KIF5C: variants seen among roughly 807,000 people sequenced by gnomAD.
KIF5C encodes the protein kinesin family member 5C.
In KIF5C, 18 loss-of-function variants were observed where a neutral mutation model predicts 125.2. The observed-to-expected ratio is 0.14, with a 90% CI of 0.10 to 0.21. The LOEUF (loss-of-function observed/expected upper bound fraction) is 0.21. Among genes scored for constraint, KIF5C ranks in the 10% least tolerant of loss-of-function variants. The probability of loss-of-function intolerance (pLI) is 1.00; values close to 1 mark genes in which losing one functional copy is unlikely to be tolerated. For missense variants in KIF5C, 780 were observed against 1,183.8 expected, an observed-to-expected ratio of 0.66 and a Z score of 5.01; for synonymous variants, 405 against 434.0, an observed-to-expected ratio of 0.93 and a Z score of 0.83.
intron 12 of KIF5C, among the ~76,000 whole-genome samples, chr2:148,976,985 G>A (rs1035736086): frequency 4.7e-4 from 72 of 152,196 alleles, no homozygotes; most frequent in African/African-American, 1.6e-3. Flanking sequence ...GCATCAGAGT[G>A]AGCGTGCTTA....
rs971663033 is a variant in KIF5C at position 148,875,248 on chromosome 2, A to G, written c.-370A>G. 5.3e-5 allele frequency: 10 copies of G among 187,464 alleles called. No homozygotes were observed. The highest frequency in any genetic ancestry group is 3.3e-5 in the Non-Finnish European group (3 of 91,628). The allele number at this position is 187,464 out of a possible 1,614,324, so 11.6% of individuals were successfully genotyped here. On this transcript the variant is annotated 5_prime_UTR_variant, in exon 1 of 26. Transcript: ENST00000435030. ...CGGCAGAGCGCGCTGGTGCTGATGC[A>G]GGATGGCTGAGCGCGCAGGAGCCCG... is the stretch of plus-strand genomic sequence containing the variant.
At chr2:148,877,117 GCAGCGAAGGGCCCTGGGGAC>G (rs1681216823) in intron 1 of KIF5C, 1 of 152,268 alleles carries the variant, frequency 6.6e-6, no homozygotes, top group Admixed American at 6.5e-5. Context: ...TGCCGCAGTC[GCAGCGAAGGGCCCTGGGGAC>G]CAGCAGGTGC....
intron 10 of KIF5C, among the ~76,000 whole-genome samples, chr2:148,960,431 T>C (rs72866044): frequency 6.6e-6 from 1 of 152,202 alleles, no homozygotes; most frequent in Admixed American, 6.5e-5. Flanking sequence ...CTGAGAAGCA[T>C]CCACAGTACT....
chr2:148,965,273 T>C (rs1263895467), intron 11 of KIF5C, among the ~76,000 whole-genome samples: 1 of 151,962 alleles, frequency 6.6e-6, no homozygotes, highest in African/African-American at 2.4e-5. Flanking sequence ...TTGGTAGTAA[T>C]TGAAGGCATA....
rs1009881049 is a variant in KIF5C, at chr2:148,997,521, C to T, written c.2100+181C>T. On this transcript the variant is annotated intron_variant, in intron 18 of 25. Transcript: ENST00000435030. ...TAGCCTGGCTTAGAAATGAACAAGT[C>T]CAGAAACCCCAAGATGTCTGTAGAG... 10 of 1,097,724 alleles carry T rather than the reference C, an allele frequency of 9.1e-6. No individual in the cohort carries two copies. In the Middle Eastern group the frequency reaches 1.8e-3, roughly 200 times the overall value. 68.0% of individuals were successfully genotyped at this position (1,097,724 alleles called of 1,614,324 possible). A position where few individuals can be genotyped will look rare whatever the true frequency, so the allele number is the denominator to read the frequency against.
chr2:148,942,830 G>T (rs1287992206), intron 7 of KIF5C, 70 bp downstream of exon 7: 4 of 1,559,864 alleles, frequency 2.6e-6, no homozygotes, highest in East Asian at 2.4e-5. Context: ...ACCGAGGGGG[G>T]TGGGGAATTA....
chr2:148,959,956 TTA>T (rs1300536802), intron 10 of KIF5C, among the ~76,000 whole-genome samples: 1 of 152,234 alleles, frequency 6.6e-6, no homozygotes, highest in Non-Finnish European at 1.5e-5. Flanking sequence ...CCCCTTCAGC[TTA>T]AGGGTAGTAA....
Position 148,991,073 on chromosome 2 carries a change from A to G in KIF5C, c.1780A>G (p.Met594Val). ...FTMARLYISKMKSEVKSLVNR... is the reference protein window; with the variant it reads ...FTMARLYISKVKSEVKSLVNR... ...CATGGCCCGCCTGTACATCAGCAAG[A>G]TGAAGTCAGAGGTCAAGTCCCTGGT... Residue 594 changes from methionine to valine, a missense_variant, in exon 16 of 26, where the codon ATG becomes GTG. Around this residue, in one of 2 missense-constraint regions of KIF5C, gnomAD observed 573 missense variants for 742.6 expected, o/e 0.77. Coordinates refer to ENST00000435030, the MANE Select transcript of KIF5C (RefSeq NM_004522.3). The G allele has an allele frequency of 6.2e-7, 1 of 1,613,880 alleles. No individual in the cohort carries two copies. Among genetic ancestry groups the G allele is most frequent in the South Asian group, 1.1e-5 (1 of 91,028 alleles).
At chr2:148,881,773 T>G (rs1681366439) in intron 1 of KIF5C, among the ~76,000 whole-genome samples, 2 of 145,780 alleles carry the variant, frequency 1.4e-5, no homozygotes, top group African/African-American at 5.7e-5. Flanking sequence ...GATGCTTGCA[T>G]GTGTAATCTT....
chr2:149,009,202 G>T (rs1401999123), intron 23 of KIF5C, among the ~76,000 whole-genome samples: 1 of 151,896 alleles, frequency 6.6e-6, no homozygotes, highest in East Asian at 1.9e-4. Context: ...ATGTTGGTCA[G>T]GCTGGTCTTG....
At chr2:148,885,276 G>A (rs551256933) in intron 1 of KIF5C, among the ~76,000 whole-genome samples, 7 of 152,260 alleles carry the variant, frequency 4.6e-5, no homozygotes, top group African/African-American at 1.7e-4. Flanking sequence ...GTGAGCCACC[G>A]TGCCCGGCCC....
chr2:148,981,582 G>A (rs374588859), intron 14 of KIF5C, 21 bp downstream of exon 14: 2 of 1,566,772 alleles, frequency 1.3e-6, no homozygotes, highest in Non-Finnish European at 8.6e-7. Flanking sequence ...TTGTGTCTAG[G>A]GGGTGGGACT....
intron 1 of KIF5C, among the ~76,000 whole-genome samples, chr2:148,887,551 A>G (rs1272803971): frequency 6.6e-6 from 1 of 152,208 alleles, no homozygotes; most frequent in East Asian, 1.9e-4. Flanking sequence ...AGACAAGTGG[A>G]AAGAAAACAT....
chr2:148,875,564 T>C lies in KIF5C; in HGVS notation c.-54T>C. ...AGCTCGCGGCCTCCTCCCTCGTCGT[T>C]CCCGGCCCCGGCCCCCCACCCATCC... On this transcript the variant is annotated 5_prime_UTR_variant, in exon 1 of 26. Coordinates refer to ENST00000435030, the MANE Select transcript of KIF5C (RefSeq NM_004522.3). The C allele has an allele frequency of 2.0e-6, 2 of 999,382 alleles. No individual in the cohort carries two copies. The highest frequency in any genetic ancestry group is 2.7e-5 in the East Asian group (1 of 36,842). The allele number at this position is 999,382 out of a possible 1,614,324, so 61.9% of individuals were successfully genotyped here. A position where few individuals can be genotyped will look rare whatever the true frequency, so the allele number is the denominator to read the frequency against.
intron 11 of KIF5C, among the ~76,000 whole-genome samples, chr2:148,967,766 G>A (rs1233139498): frequency 6.6e-6 from 1 of 152,196 alleles, no homozygotes; most frequent in Non-Finnish European, 1.5e-5. Flanking sequence ...GGAACAGATA[G>A]GATGGAGTGG....
At chr2:148,974,527 G>T (rs902010126) in intron 12 of KIF5C, among the ~76,000 whole-genome samples, 2 of 152,058 alleles carry the variant, frequency 1.3e-5, no homozygotes, top group Non-Finnish European at 2.9e-5. Context: ...CTTTATTCTG[G>T]GGTCATCCTA....
At chr2:149,010,650 A>G (rs1682164230) in intron 24 of KIF5C, among the ~76,000 whole-genome samples, 1 of 152,246 alleles carries the variant, frequency 6.6e-6, no homozygotes, top group Non-Finnish European at 1.5e-5. Context: ...ATAAATGGGT[A>G]CACTCTTAGA....
At chr2:148,988,555 T>A (rs965831219) in intron 15 of KIF5C, among the ~76,000 whole-genome samples, 1 of 152,252 alleles carries the variant, frequency 6.6e-6, no homozygotes, top group Non-Finnish European at 1.5e-5. Flanking sequence ...AGCGTTTTCC[T>A]ACCAGGAGCT....
rs994889366 is a variant in KIF5C, at chr2:149,019,218, C to T, written c.*8-3860C>T. 2.6e-5 allele frequency among the ~76,000 whole-genome samples: 4 copies of T among 152,218 alleles called. No homozygotes were observed. The East Asian group carries it at 7.7e-4, about 29-fold the overall frequency. On this transcript the variant is annotated intron_variant, in intron 25 of 25. Coordinates refer to ENST00000435030, the MANE Select transcript of KIF5C (RefSeq NM_004522.3). ...CTTGGCCATTGGACAGCTAAGAAAA[C>T]TGTGGAATGGGGAAGTTGGGATCAT...
Sources: allele counts gnomAD v4.1 joint callset (sites outside exome capture counted in the v4.1 genomes callset), GRCh38; gene constraint gnomAD v4.1.1; regional missense constraint gnomAD v4.1.1; transcripts MANE v1.5; gene names NCBI Gene and HGNC (gene_info 2026-07-23, HGNC 2026-07-21).